Variants in GABRG1 observed in about 807,000 individuals in gnomAD.
GABRG1 encodes the protein gamma-aminobutyric acid type A receptor subunit gamma1.
A neutral mutation model predicts 49.8 loss-of-function variants in GABRG1; 49 were observed. The ratio of observed to expected loss-of-function variants is 0.98; its 90% confidence interval spans 0.78 to 1.25. The LOEUF is 1.25. Ranked by LOEUF, GABRG1 falls within the 50% of genes most tolerant of loss-of-function variation. GABRG1 has a pLI of 0.00. For synonymous variants in GABRG1, 232 were observed against 185.1 expected (o/e 1.25, Z -2.06); for missense variants, 552 against 552.3 (o/e 1.00, Z 0.01).
At chr4:46,122,184 G>T (rs956416473) in intron 1 of GABRG1, among the ~76,000 whole-genome samples, 6 of 151,804 alleles carry the variant, frequency 4.0e-5, no homozygotes, top group African/African-American at 1.5e-4. Flanking sequence ...GATGTAATTG[G>T]CTCTGGAGCC....
At chr4:46,115,882 G>T (rs1250252570) in intron 1 of GABRG1, among the ~76,000 whole-genome samples, 2 of 150,720 alleles carry the variant, frequency 1.3e-5, no homozygotes, top group African/African-American at 4.8e-5. Flanking sequence ...TGAAAAAAGA[G>T]TAATATCAGA....
rs368317710 is a variant in GABRG1, at chr4:46,052,821, T to A, written c.917-1183A>T. Among the ~76,000 whole-genome samples the A allele has an allele frequency of 5.9e-5, 9 of 152,070 alleles. No individual in the cohort carries two copies. The South Asian group carries it at 1.0e-3, about 18-fold the overall frequency. Reference sequence around the variant, plus strand: ...AAAACAGCTGTAGCAACAGTCTCTTTGGTATAGTGAAGGCAATAACCACCT... The same window carrying A: ...AAAACAGCTGTAGCAACAGTCTCTTAGGTATAGTGAAGGCAATAACCACCT... On this transcript the variant is annotated intron_variant, in intron 7 of 8. Coordinates refer to ENST00000295452, the MANE Select transcript of GABRG1 (RefSeq NM_173536.4).
intron 5 of GABRG1, among the ~76,000 whole-genome samples, chr4:46,061,297 T>A (rs912186624): frequency 2.6e-5 from 4 of 151,942 alleles, no homozygotes; most frequent in Admixed American, 2.0e-4. Context: ...TATAAAAGAA[T>A]GCTTTAATGA....
At chr4:46,087,812 C>T (rs2109425237) in intron 2 of GABRG1, among the ~76,000 whole-genome samples, 1 of 151,898 alleles carries the variant, frequency 6.6e-6, no homozygotes, top group East Asian at 2.0e-4. Context: ...CCTTAATTAA[C>T]AAGGAAATGT....
chr4:46,047,848 T>G (rs1718063045), intron 8 of GABRG1, among the ~76,000 whole-genome samples: 1 of 151,382 alleles, frequency 6.6e-6, no homozygotes, highest in South Asian at 2.1e-4. Flanking sequence ...TTGCGATGCA[T>G]TTTTTCACAA....
intron 3 of GABRG1, among the ~76,000 whole-genome samples, chr4:46,076,497 A>C (rs532084453): frequency 6.6e-6 from 1 of 150,508 alleles, no homozygotes; most frequent in African/African-American, 2.4e-5. Flanking sequence ...GGGTAAATAA[A>C]GGTGTAAAAA....
chr4:46,048,762 AAG>A (rs1383653505), intron 8 of GABRG1, among the ~76,000 whole-genome samples: 1 of 151,648 alleles, frequency 6.6e-6, no homozygotes, highest in Non-Finnish European at 1.5e-5. Flanking sequence ...GAATGAAAGA[AAG>A]AGTGAGAGAG....
chr4:46,093,198 C>T (rs532687494), intron 2 of GABRG1, among the ~76,000 whole-genome samples: 2 of 151,060 alleles, frequency 1.3e-5, no homozygotes, highest in African/African-American at 4.9e-5. Context: ...AATGATAAAA[C>T]TGCTATTCAA....
chr4:46,088,824 T>G (rs1719879991), intron 2 of GABRG1, among the ~76,000 whole-genome samples: 1 of 150,570 alleles, frequency 6.6e-6, no homozygotes, highest in Admixed American at 6.6e-5. Flanking sequence ...TTTGTGTGTG[T>G]GTGTGTGTGT....
chr4:46,042,566 T>C (rs1470646709), intron 8 of GABRG1, among the ~76,000 whole-genome samples: 1 of 151,996 alleles, frequency 6.6e-6, no homozygotes, highest in Admixed American at 6.6e-5. Context: ...TGTTAAATGT[T>C]TTCATGCTAA....
chr4:46,101,478 G>A (rs1720376069), intron 1 of GABRG1, among the ~76,000 whole-genome samples: 1 of 151,564 alleles, frequency 6.6e-6, no homozygotes, highest in Non-Finnish European at 1.5e-5. Flanking sequence ...ATAAACTCAA[G>A]GAGTCGCACA....
chr4:46,056,151 TA>T (rs1182116080), intron 7 of GABRG1, among the ~76,000 whole-genome samples: 26 of 9,140 alleles, frequency 2.8e-3, no homozygotes, highest in South Asian at 3.4e-3. Flanking sequence ...ATAAATAAAT[TA>T]AAAAAAAAAA....
intron 2 of GABRG1, among the ~76,000 whole-genome samples, chr4:46,096,551 T>G (rs1720169392): frequency 6.6e-6 from 1 of 151,740 alleles, no homozygotes; most frequent in African/African-American, 2.4e-5. Context: ...CTCAGTTTCT[T>G]AAACACACTT....
At chr4:46,095,986 C>T (rs1424297286) in intron 2 of GABRG1, among the ~76,000 whole-genome samples, 2 of 151,774 alleles carry the variant, frequency 1.3e-5, no homozygotes, top group African/African-American at 4.8e-5. Context: ...ACTCCCCACC[C>T]AGTGTCTGTT....
rs1364900071 is a variant in GABRG1 at position 46,068,354 on chromosome 4, A to G, written c.322-2770T>C. On this transcript the variant is annotated intron_variant, in intron 3 of 8. Coordinates refer to ENST00000295452, the MANE Select transcript of GABRG1 (RefSeq NM_173536.4). ...TACTTAGCTGCAGTATTCCTAATTCACAGGGCATTAAATGTGGCACTTGAG... is the reference window on the plus strand; with the variant it reads ...TACTTAGCTGCAGTATTCCTAATTCGCAGGGCATTAAATGTGGCACTTGAG... 3.3e-5 allele frequency among the ~76,000 whole-genome samples: 5 copies of G among 152,148 alleles called. No individual in the cohort carries two copies. In the South Asian group the frequency reaches 8.3e-4, roughly 25 times the overall value.
intron 3 of GABRG1, among the ~76,000 whole-genome samples, chr4:46,079,883 C>A (rs1010765462): frequency 8.6e-5 from 13 of 151,724 alleles, no homozygotes; most frequent in African/African-American, 3.1e-4. Flanking sequence ...AGGTTATAAC[C>A]ATTTTGTCTC....
rs1480108930 is a variant in GABRG1 at position 46,051,538 on chromosome 4, A to C, written c.1017T>G (p.Val339=). The C allele has an allele frequency of 6.2e-7, 1 of 1,611,814 alleles. No homozygotes were observed. Among genetic ancestry groups the C allele is most frequent in the Non-Finnish European group, 8.5e-7 (1 of 1,178,580 alleles). ...AGGCTGCAAAAACAAAAATGAAACA[A>C]ACAGAAACAAAGAGATCCATCGCAG... ...YVTAMDLFVS[V]CFIFVFAALM... Residue 339 remains valine, a synonymous_variant, in exon 8 of 9, where the codon GTT becomes GTG. Coordinates refer to ENST00000295452, the MANE Select transcript of GABRG1 (RefSeq NM_173536.4).
At chr4:46,066,433 A>G (rs751462883) in intron 3 of GABRG1, among the ~76,000 whole-genome samples, 10 of 152,214 alleles carry the variant, frequency 6.6e-5, no homozygotes, top group Non-Finnish European at 1.0e-4. Context: ...CTAAATCTTT[A>G]TTGCAACTCT....
chr4:46,099,243 A>T (rs1720297082), intron 1 of GABRG1, among the ~76,000 whole-genome samples: 1 of 151,636 alleles, frequency 6.6e-6, no homozygotes, highest in African/African-American at 2.4e-5. Context: ...CCTGTGATTG[A>T]CTTGGGCTAA....
Sources: allele counts gnomAD v4.1 joint callset (sites outside exome capture counted in the v4.1 genomes callset), GRCh38; gene constraint gnomAD v4.1.1; transcripts MANE v1.5; gene names NCBI Gene and HGNC (gene_info 2026-07-23, HGNC 2026-07-21).